Variants in TLE1 observed in about 807,000 individuals in gnomAD.
TLE1 encodes the protein TLE family member 1, transcriptional corepressor.
A neutral mutation model predicts 89.8 loss-of-function variants in TLE1; 21 were observed. The ratio of observed to expected loss-of-function variants is 0.23; its 90% CI spans 0.17 to 0.34. The LOEUF (loss-of-function observed/expected upper bound fraction) is 0.34, where lower values mean the gene tolerates loss of function less well. Ranked by LOEUF, TLE1 falls within the 10% of genes least tolerant of loss-of-function variation. The pLI, the probability that TLE1 is intolerant of heterozygous loss-of-function variation, is 1.00. For missense variants in TLE1, 795 were observed against 1,031.2 expected (o/e 0.77, Z 3.14); for synonymous variants, 447 against 407.6 (o/e 1.10, Z -1.16).
chr9:81,687,961 G>C (rs1430492036), intron 1 of TLE1, among the ~76,000 whole-genome samples: 1 of 152,124 alleles, frequency 6.6e-6, no homozygotes, highest in Non-Finnish European at 1.5e-5. Context: ...CTGCAGGAGA[G>C]AAACCCCAGC....
chr9:81,632,890 G>C (rs886589473), intron 8 of TLE1, among the ~76,000 whole-genome samples: 12 of 152,288 alleles, frequency 7.9e-5, no homozygotes, highest in African/African-American at 2.6e-4. Flanking sequence ...AGGATGACTG[G>C]TTTAAGTAGA....
chr9:81,675,698 G>GTTTTTTTT (rs35060460), intron 4 of TLE1, among the ~76,000 whole-genome samples: 3,957 of 128,854 alleles, frequency 0.031, 438 homozygotes, highest in Non-Finnish European at 0.043. Context: ...ACTCACACTA[G>GTTTTTTTT]TTTTTTTTTG....
intron 4 of TLE1, among the ~76,000 whole-genome samples, chr9:81,658,148 G>A (rs968668051): frequency 6.6e-6 from 1 of 151,840 alleles, no homozygotes; most frequent in African/African-American, 2.4e-5. Flanking sequence ...CTGACCTCAA[G>A]TGATCCACCT....
chr9:81,591,162 A>G, intron 15 of TLE1, 110 bp from the exon 16 acceptor site: 1 of 1,403,542 alleles, frequency 7.1e-7, no homozygotes, highest in Non-Finnish European at 9.7e-7. Flanking sequence ...TTTCATGGAC[A>G]CTCTAACAGA....
At chr9:81,677,392 T>C (rs2796443) in intron 4 of TLE1, among the ~76,000 whole-genome samples, 93,751 of 151,502 alleles carry the variant, frequency 0.62, 29,179 homozygotes, top group East Asian at 0.71. Flanking sequence ...GATGAAATCC[T>C]GTCTCTACTA....
chr9:81,599,975 A>G, intron 14 of TLE1: 2 of 593,230 alleles, frequency 3.4e-6, no homozygotes, highest in Admixed American at 5.9e-5. Flanking sequence ...CAAAGAAAAC[A>G]AGAAACAGAT....
At position 81,652,047 on chromosome 9, in the gene TLE1, C is replaced by T. The variant is rs934127562; in HGVS notation, c.372+167G>A. On this transcript the variant is annotated intron_variant, in intron 6 of 19. Coordinates refer to ENST00000376499, the MANE Select transcript of TLE1 (RefSeq NM_005077.5). Reference sequence around the variant, plus strand: ...AGCCCTCTTCCTCCATATACCTTAGCACATCCCAAGTCTCTTCCTCTCCTC... The same window carrying T: ...AGCCCTCTTCCTCCATATACCTTAGTACATCCCAAGTCTCTTCCTCTCCTC... 1.2e-5 allele frequency: 7 copies of T among 590,938 alleles called. No homozygotes were observed. The Admixed American group carries it at 2.0e-4, about 17-fold the overall frequency. 36.6% of individuals were successfully genotyped at this position (590,938 alleles called of 1,614,324 possible). A position where few individuals can be genotyped will look rare whatever the true frequency, so the allele number is the denominator to read the frequency against.
At chr9:81,687,622 T>A (rs1834482591) in intron 1 of TLE1, among the ~76,000 whole-genome samples, 188 bp from the exon 2 acceptor site, 1 of 152,058 alleles carries the variant, frequency 6.6e-6, no homozygotes, top group Non-Finnish European at 1.5e-5. Context: ...GGGCCCCGGC[T>A]TCTAAAGAGG....
At chr9:81,605,624 T>G (rs558045899) in intron 14 of TLE1, among the ~76,000 whole-genome samples, 2 of 152,200 alleles carry the variant, frequency 1.3e-5, no homozygotes, top group East Asian at 3.9e-4. Context: ...TAATTCAAGA[T>G]GGATTAAAGA....
chr9:81,642,608 T>C (rs10867788), intron 6 of TLE1, among the ~76,000 whole-genome samples: 31,032 of 151,734 alleles, frequency 0.2, 3,755 homozygotes, highest in East Asian at 0.48. Context: ...GCAGGAGAAC[T>C]GCTTGAACCC....
intron 4 of TLE1, among the ~76,000 whole-genome samples, chr9:81,674,617 A>G (rs1355947139): frequency 6.6e-6 from 1 of 152,246 alleles, no homozygotes; most frequent in African/African-American, 2.4e-5. Context: ...CCCAGCAAAT[A>G]TACTGGTTAC....
At chr9:81,667,849 A>G (rs1831684594) in intron 4 of TLE1, among the ~76,000 whole-genome samples, 1 of 152,076 alleles carries the variant, frequency 6.6e-6, no homozygotes, top group Non-Finnish European at 1.5e-5. Context: ...ATGTTCCGCA[A>G]CTCACTCTCA....
chr9:81,603,727 C>T (rs80171484), intron 14 of TLE1, among the ~76,000 whole-genome samples: 4,202 of 152,254 alleles, frequency 0.028, 212 homozygotes, highest in African/African-American at 0.095. Context: ...CAAGGTCAGG[C>T]GTGGTGGCTC....
intron 11 of TLE1, among the ~76,000 whole-genome samples, chr9:81,614,947 C>T (rs959527636): frequency 1.3e-5 from 2 of 151,746 alleles, no homozygotes; most frequent in Non-Finnish European, 1.5e-5. Flanking sequence ...GTAATCCCAG[C>T]ACTTTGGGAG....
At chr9:81,660,352 AAAC>A (rs1564042872) in intron 4 of TLE1, among the ~76,000 whole-genome samples, 1 of 152,008 alleles carries the variant, frequency 6.6e-6, no homozygotes, top group East Asian at 1.9e-4. Flanking sequence ...AAAAAAAAAA[AAAC>A]AAAATCATAC....
intron 4 of TLE1, among the ~76,000 whole-genome samples, chr9:81,684,431 A>G (rs941959693): frequency 6.6e-6 from 1 of 152,234 alleles, no homozygotes; most frequent in Non-Finnish European, 1.5e-5. Context: ...TCCAAACACA[A>G]ATCTGAGAAC....
chr9:81,641,730 A>G (rs906548860), intron 6 of TLE1, among the ~76,000 whole-genome samples: 1 of 152,184 alleles, frequency 6.6e-6, no homozygotes, highest in Non-Finnish European at 1.5e-5. Flanking sequence ...CCACAATGAA[A>G]TATCACCTCA....
intron 4 of TLE1, 72 bp from the exon 5 acceptor site, chr9:81,654,108 C>T: frequency 7.1e-7 from 1 of 1,415,918 alleles, no homozygotes; most frequent in Non-Finnish European, 1.0e-6. Context: ...CTTCATACCC[C>T]TAACACTTCA....
intron 6 of TLE1, among the ~76,000 whole-genome samples, chr9:81,637,350 C>T (rs1827517201): frequency 6.6e-6 from 1 of 152,156 alleles, no homozygotes; most frequent in African/African-American, 2.4e-5. Flanking sequence ...AAGAGTGAGA[C>T]TCAGTCTCCA....
Sources: allele counts gnomAD v4.1 joint callset (sites outside exome capture counted in the v4.1 genomes callset), GRCh38; gene constraint gnomAD v4.1.1; transcripts MANE v1.5; gene names NCBI Gene and HGNC (gene_info 2026-07-23, HGNC 2026-07-21).